Variants in CCDC86 observed in about 807,000 individuals in gnomAD.
CCDC86 encodes coiled-coil domain containing 86.
A neutral mutation model predicts 36.7 loss-of-function variants in CCDC86; 28 were observed. The observed-to-expected ratio is 0.76, with a 90% CI of 0.57 to 1.05. The LOEUF (loss-of-function observed/expected upper bound fraction) is 1.05, where lower values mean the gene tolerates loss of function less well. CCDC86 is among the 50% of genes least tolerant of loss of function. The pLI is 0.00. For missense variants in CCDC86, 453 were observed against 470.2 expected (o/e 0.96, Z 0.34); for synonymous variants, 199 against 203.4 (o/e 0.98, Z 0.18).
intron 1 of CCDC86, 90 bp from the exon 2 acceptor site, chr11:60,847,834 A>G (rs1276033901): frequency 1.4e-6 from 2 of 1,423,494 alleles, no homozygotes; most frequent in Non-Finnish European, 1.9e-6. Flanking sequence ...GCTCTGGGGA[A>G]GAAGGTCCAG....
Position 60,843,060 on chromosome 11 carries a change from G to T in CCDC86, c.758+178G>T, listed in dbSNP as rs1855144660. 5 of 896,638 alleles carry T rather than the reference G, an allele frequency of 5.6e-6. No individual in the cohort carries two copies. In the African/African-American group the frequency reaches 8.5e-5, roughly 15 times the overall value. The allele number at this position is 896,638 out of a possible 1,614,324, so 55.5% of individuals were successfully genotyped here. A position where few individuals can be genotyped will look rare whatever the true frequency, so the allele number is the denominator to read the frequency against. Reference sequence around the variant, plus strand: ...GTAAAATGCCCTGGGATCCCGGAGAGGGTGGGGCCAGGCCCTCAAAGATCA... The same window carrying T: ...GTAAAATGCCCTGGGATCCCGGAGATGGTGGGGCCAGGCCCTCAAAGATCA... On this transcript the variant is annotated intron_variant, in intron 1 of 3. Coordinates refer to ENST00000227520, the MANE Select transcript of CCDC86 (RefSeq NM_024098.4).
At chr11:60,848,197 G>C in intron 2 of CCDC86, 144 bp downstream of exon 2, 1 of 1,059,804 alleles carries the variant, frequency 9.4e-7, no homozygotes, top group Non-Finnish European at 1.3e-6. Flanking sequence ...GCCGGAGGGA[G>C]GAAGGGCACC....
intron 2 of CCDC86, 32 bp from the exon 3 acceptor site, chr11:60,849,908 C>G (rs762435279): frequency 4.4e-6 from 7 of 1,597,362 alleles, no homozygotes; most frequent in Non-Finnish European, 6.0e-6. Flanking sequence ...CTCTGCTCCC[C>G]GACTCAAATC....
At position 60,845,746 on chromosome 11, in the gene CCDC86, T is replaced by G. The variant is rs188667165; in HGVS notation, c.759-2178T>G. Among the ~76,000 whole-genome samples, 153 of 152,362 alleles carry G rather than the reference T, an allele frequency of 1.0e-3. 2 individuals are homozygous for G. The highest frequency in any genetic ancestry group is 7.3e-5 in the Non-Finnish European group (5 of 68,036). On this transcript the variant is annotated intron_variant, in intron 1 of 3. Coordinates refer to ENST00000227520, the MANE Select transcript of CCDC86 (RefSeq NM_024098.4). Reference sequence around the variant, plus strand: ...ATGGAGCACCTATTACGTGTGTGTGTCGATTAAATCTCCCACCACCCTTTG... The same window carrying G: ...ATGGAGCACCTATTACGTGTGTGTGGCGATTAAATCTCCCACCACCCTTTG...
rs1855241305 is a variant in CCDC86, at chr11:60,850,191, T to G, written c.964-15T>G. On this transcript the variant is annotated splice_polypyrimidine_tract_variant and intron_variant, in intron 3 of 3. Transcript: ENST00000227520. ...CTGCAGCTGCACTAATGTCCTCCCCTCATACCACCCCCAGATCCGAAACCC... is the reference window on the plus strand; with the variant it reads ...CTGCAGCTGCACTAATGTCCTCCCCGCATACCACCCCCAGATCCGAAACCC... The G allele has an allele frequency of 6.2e-7, 1 of 1,613,864 alleles. No individual in the cohort carries two copies.
chr11:60,850,229 G>T lies in CCDC86; in HGVS notation c.987G>T (p.Lys329Asn). The stretch of plus-strand genomic sequence containing the variant: ...AGATCCGAAACCCCGCCAAGCTCAA[G>T]CGGGCAAAGAAGAAGCAGCTGCGCT... ...VQVIRNPAKL[K>N]RAKKKQLRSI... is the part of the protein sequence containing the mutation. The change falls in exon 4 of 4, where the codon AAG becomes AAT. Residue 329 changes from lysine (K) to asparagine (N), a missense_variant. Coordinates refer to ENST00000227520, the MANE Select transcript of CCDC86 (RefSeq NM_024098.4). The T allele has an allele frequency of 6.2e-7, 1 of 1,614,200 alleles. No individual in the cohort carries two copies. Among genetic ancestry groups the T allele is most frequent in the South Asian group, 1.1e-5 (1 of 91,086 alleles).
Position 60,849,955 on chromosome 11 carries a change from C to G in CCDC86, c.904C>G (p.Arg302Gly), listed in dbSNP as rs145131633. ...ERRRQEKKQR[R>G]AENLKRRLEN... ...CATGTTCCAGGAGAAGAAACAGCGC[C>G]GGGCTGAGAACCTGAAACGCCGCCT... is the stretch of plus-strand genomic sequence containing the variant. Residue 302 changes from arginine to glycine, a missense_variant, in exon 3 of 4, where the codon CGG becomes GGG. Transcript: ENST00000227520. The G allele has an allele frequency of 4.0e-3, 6,525 of 1,614,062 alleles. 22 individuals carry two copies. Among genetic ancestry groups the G allele is most frequent in the Non-Finnish European group, 4.8e-3 (5,678 of 1,179,968 alleles).
At chr11:60,848,783 G>A (rs543902049) in intron 2 of CCDC86, among the ~76,000 whole-genome samples, 2 of 152,238 alleles carry the variant, frequency 1.3e-5, no homozygotes, top group South Asian at 2.1e-4. Flanking sequence ...TCCATAGTCC[G>A]TGGTCCCAGG....
chr11:60,842,516 A>G lies in CCDC86; in HGVS notation c.392A>G (p.Gln131Arg), dbSNP rs1415206686. The G allele has an allele frequency of 6.2e-7, 1 of 1,613,602 alleles. No homozygotes were observed. Among genetic ancestry groups the G allele is most frequent in the South Asian group, 1.1e-5 (1 of 91,082 alleles). ...SEEAPKCSQD[Q>R]GVLASELAQN... ...GAGGCACCAAAGTGTTCTCAGGACC[A>G]GGGAGTACTGGCCTCGGAGTTGGCC... Residue 131 changes from glutamine (Q) to arginine (R), a missense_variant, in exon 1 of 4, where the codon CAG becomes CGG. Coordinates refer to ENST00000227520, the MANE Select transcript of CCDC86 (RefSeq NM_024098.4).
rs1274766622 is a variant in CCDC86, at chr11:60,848,037, A to C, written c.872A>C (p.Lys291Thr). Residue 291 changes from lysine to threonine, a missense_variant, in exon 2 of 4, where the codon AAG (lysine) becomes ACG (threonine). Coordinates refer to ENST00000227520, the MANE Select transcript of CCDC86 (RefSeq NM_024098.4). ...TTTGCCCGTCACCTGGAGGAGGAGA[A>C]GGAGAGGCGCCGCCAGGTGAGGGGC... is the stretch of plus-strand genomic sequence containing the variant. ...KDFARHLEEEKERRRQEKKQR... is the reference protein window; with the variant it reads ...KDFARHLEEETERRRQEKKQR... 2 of 1,612,964 alleles carry C rather than the reference A, an allele frequency of 1.2e-6. No homozygotes were observed. Among genetic ancestry groups the C allele is most frequent in the East Asian group, 2.2e-5 (1 of 44,808 alleles).
At chr11:60,844,665 C>G (rs1361813742) in intron 1 of CCDC86, among the ~76,000 whole-genome samples, 1 of 152,232 alleles carries the variant, frequency 6.6e-6, no homozygotes, top group Non-Finnish European at 1.5e-5. Context: ...TTTTGTAACA[C>G]CTCCATTTGC....
Position 60,846,802 on chromosome 11 carries a change from G to A in CCDC86, c.759-1122G>A, listed in dbSNP as rs141148571. ...TTGGTCAAGCTGGTCTCGAACTCCCGACCTTAGGTGATCGGCCCACCTCAG... is the reference window on the plus strand; with the variant it reads ...TTGGTCAAGCTGGTCTCGAACTCCCAACCTTAGGTGATCGGCCCACCTCAG... On this transcript the variant is annotated intron_variant, in intron 1 of 3. Transcript: ENST00000227520. Among the ~76,000 whole-genome samples, 934 of 152,246 alleles carry A rather than the reference G, an allele frequency of 6.1e-3. 13 individuals are homozygous for A. The highest frequency in any genetic ancestry group is 0.021 in the African/African-American group (882 of 41,536).
rs369561736 is a variant in CCDC86, at chr11:60,847,970, C to T, written c.805C>T (p.Arg269Trp). 4.1e-5 allele frequency: 66 copies of T among 1,613,204 alleles called. No individual in the cohort carries two copies. Among genetic ancestry groups the T allele is most frequent in the African/African-American group, 5.3e-5 (4 of 74,894 alleles). ...QDKPLRTSWQ[R>W]KMKERQERKL... ...CAAGCCCCTGCGCACATCGTGGCAG[C>T]GGAAGATGAAGGAACGACAGGAGAG... Residue 269 changes from arginine to tryptophan, a missense_variant, in exon 2 of 4, where the codon CGG (arginine) becomes TGG (tryptophan). Coordinates refer to ENST00000227520, the MANE Select transcript of CCDC86 (RefSeq NM_024098.4).
intron 1 of CCDC86, among the ~76,000 whole-genome samples, chr11:60,843,439 T>G (rs531908283): frequency 6.4e-4 from 98 of 152,342 alleles, no homozygotes; most frequent in Non-Finnish European, 1.1e-3. Flanking sequence ...TTATTATTCC[T>G]GTTTTTTGTG....
chr11:60,846,396 T>A (rs1855182694), intron 1 of CCDC86, among the ~76,000 whole-genome samples: 1 of 152,162 alleles, frequency 6.6e-6, no homozygotes, highest in South Asian at 2.1e-4. Flanking sequence ...AAGACCTAAT[T>A]TCAGCATGTG....
Position 60,843,001 on chromosome 11 carries a change from A to G in CCDC86, c.758+119A>G. 3 of 1,308,828 alleles carry G rather than the reference A, an allele frequency of 2.3e-6. No homozygotes were observed. The South Asian group carries it at 4.9e-5, about 21-fold the overall frequency. 81.1% of individuals were successfully genotyped at this position (1,308,828 alleles called of 1,614,324 possible). Reference sequence around the variant, plus strand: ...TTAGAGAGAGCTCACGTTAGTGGGGATGTTAGCAAACAGGTAATTACAATC... The same window carrying G: ...TTAGAGAGAGCTCACGTTAGTGGGGGTGTTAGCAAACAGGTAATTACAATC... On this transcript the variant is annotated intron_variant, in intron 1 of 3. Transcript: ENST00000227520.
rs749893683 is a variant in CCDC86, at chr11:60,842,579, A to G, written c.455A>G (p.His152Arg). The G allele has an allele frequency of 6.2e-7, 1 of 1,613,238 alleles. No individual in the cohort carries two copies. The highest frequency in any genetic ancestry group is 8.5e-7 in the Non-Finnish European group (1 of 1,179,810). ...KEELTPGAPQHQLPPVPGSPE... is the reference protein window; with the variant it reads ...KEELTPGAPQRQLPPVPGSPE... ...GAGCTGACCCCGGGGGCCCCCCAGC[A>G]TCAGCTACCGCCGGTCCCAGGATCA... The change falls in exon 1 of 4, where the codon CAT becomes CGT. Residue 152 changes from histidine (H) to arginine (R), a missense_variant. His to Arg is a conservative substitution (Grantham distance 29, BLOSUM62 0). Coordinates refer to ENST00000227520, the MANE Select transcript of CCDC86 (RefSeq NM_024098.4).
intron 1 of CCDC86, among the ~76,000 whole-genome samples, chr11:60,844,468 G>A (rs1045059755): frequency 3.9e-5 from 6 of 152,072 alleles, no homozygotes; most frequent in East Asian, 1.9e-4. Context: ...CATGTGTGAC[G>A]CTCCCTCCTT....
In CCDC86 at chr11:60,850,928, GC is replaced by G. The variant is rs1855256526; in HGVS notation, c.*605del. ...AGAAGCCCCAGAGAATCTAACTCAT[GC>G]CTGTCCAGTCTACAGCAAAAATATT... On this transcript the variant is annotated 3_prime_UTR_variant, in exon 4 of 4. Coordinates refer to ENST00000227520, the MANE Select transcript of CCDC86 (RefSeq NM_024098.4). The G allele has an allele frequency of 1.3e-5, 2 of 152,588 alleles. No individual in the cohort carries two copies. The highest frequency in any genetic ancestry group is 1.3e-4 in the Admixed American group (2 of 15,324). The allele number at this position is 152,588 out of a possible 1,614,324, so 9.5% of individuals were successfully genotyped here.
Sources: allele counts gnomAD v4.1 joint callset (sites outside exome capture counted in the v4.1 genomes callset), GRCh38; gene constraint gnomAD v4.1.1; transcripts MANE v1.5; gene names NCBI Gene and HGNC (gene_info 2026-07-23, HGNC 2026-07-21).